Variants in TJP1 observed in about 807,000 individuals in gnomAD.
The protein encoded by TJP1 is tight junction protein 1, also known as tight junction protein ZO-1.
In TJP1, 43 loss-of-function variants were observed where a neutral mutation model predicts 194.2. That is an observed-to-expected ratio of 0.22 (90% CI 0.17 to 0.29). TJP1 has a LOEUF of 0.29. Ranked by LOEUF, TJP1 falls within the 10% of genes least tolerant of loss-of-function variation. The pLI is 1.00. For synonymous variants in TJP1, 801 were observed against 779.0 expected (o/e 1.03, Z -0.47); for missense variants, 1,971 against 2,185.7 (o/e 0.90, Z 1.96).
At chr15:29,762,025 C>T (rs914829387) in intron 6 of TJP1, among the ~76,000 whole-genome samples, 1 of 152,122 alleles carries the variant, frequency 6.6e-6, no homozygotes, top group Non-Finnish European at 1.5e-5. Flanking sequence ...TACTTATAAA[C>T]AAACGAATAA....
At chr15:29,812,190 A>G (rs914445942) in intron 1 of TJP1, among the ~76,000 whole-genome samples, 7 of 152,200 alleles carry the variant, frequency 4.6e-5, no homozygotes, top group Admixed American at 2.0e-4. Context: ...GCTCGGTGAT[A>G]ATCTTTTCAG....
At position 29,741,392 on chromosome 15, in the gene TJP1, A is replaced by T. The variant is rs779962144; in HGVS notation, c.1195T>A (p.Leu399Ile). The T allele has an allele frequency of 6.2e-7, 1 of 1,603,924 alleles. No homozygotes were observed. The highest frequency in any genetic ancestry group is 2.2e-5 in the East Asian group (1 of 44,532). ...ACACCATCAGATGGACTGACAGGTAAATCCACATCTGGTTGCCCAACTTGG... is the reference window on the plus strand; with the variant it reads ...ACACCATCAGATGGACTGACAGGTATATCCACATCTGGTTGCCCAACTTGG... ...YAQVGQPDVD[L>I]PVSPSDGVLP... The change falls in exon 10 of 28, where the codon TTA becomes ATA. Residue 399 changes from leucine (L) to isoleucine (I), a missense_variant. Physicochemically the swap from Leu to Ile is conservative, Grantham distance 5. Around this residue, in one of 5 missense-constraint regions of TJP1, gnomAD observed 192 missense variants for 182.3 expected, o/e 1.05. Coordinates refer to ENST00000614355, the MANE Select transcript of TJP1 (RefSeq NM_001330239.4).
At chr15:29,768,358 A>C (rs895083282) in intron 4 of TJP1, among the ~76,000 whole-genome samples, 1 of 152,314 alleles carries the variant, frequency 6.6e-6, no homozygotes, top group Admixed American at 6.5e-5. Context: ...AGCATTCCTA[A>C]TGCTAGCTGC....
At chr15:29,884,273 T>C (rs2053038343) in intron 2 of TJP1, among the ~76,000 whole-genome samples, 1 of 152,220 alleles carries the variant, frequency 6.6e-6, no homozygotes, top group South Asian at 2.1e-4. Flanking sequence ...TCAACGGTTC[T>C]CAACAGATGC....
At chr15:29,953,442 A>C (rs1257747541) in intron 2 of TJP1, among the ~76,000 whole-genome samples, 1 of 152,134 alleles carries the variant, frequency 6.6e-6, no homozygotes, top group African/African-American at 2.4e-5. Context: ...ATGCCTGGCC[A>C]AAAAGACAGA....
At chr15:29,782,696 G>C (rs751491843) in intron 2 of TJP1, among the ~76,000 whole-genome samples, 1 of 152,024 alleles carries the variant, frequency 6.6e-6, no homozygotes, top group Non-Finnish European at 1.5e-5. Flanking sequence ...TTGACAAATG[G>C]AATCTAATTA....
chr15:29,798,545 G>C (rs2048567495), intron 2 of TJP1, among the ~76,000 whole-genome samples: 1 of 152,130 alleles, frequency 6.6e-6, no homozygotes, highest in Admixed American at 6.6e-5. Flanking sequence ...ATCAAGTGCT[G>C]ATGAGGATAC....
At chr15:29,819,116 T>C (rs1033598543) in intron 1 of TJP1, among the ~76,000 whole-genome samples, 1 of 152,232 alleles carries the variant, frequency 6.6e-6, no homozygotes, top group Non-Finnish European at 1.5e-5. Flanking sequence ...TCAATCTAGG[T>C]ACATACATAT....
At position 29,704,217 on chromosome 15, in the gene TJP1, C is replaced by G. The variant is rs781101609; in HGVS notation, c.5157G>C (p.Ala1719=). Residue 1719 remains alanine (A), a synonymous_variant, in exon 27 of 28, where the codon GCG becomes GCC. Transcript: ENST00000614355. The part of the protein sequence containing the change: ...KPVELRLPHC[A]SMTPDGWSFA... ...AAGACCAACCGTCAGGAGTCATGGA[C>G]GCACAGTGTGGTAAGCGCAGCTCCA... The G allele has an allele frequency of 5.0e-6, 8 of 1,589,074 alleles. No individual in the cohort carries two copies. Among genetic ancestry groups the G allele is most frequent in the African/African-American group, 1.3e-5 (1 of 74,712 alleles).
At chr15:29,949,496 TCCACAA>T (rs200355930) in intron 2 of TJP1, among the ~76,000 whole-genome samples, 4 of 37,504 alleles carry the variant, frequency 1.1e-4, no homozygotes, top group Middle Eastern at 0.018. Context: ...CACCTCCACC[TCCACAA>T]CCACCACCTC....
rs373967459 is a variant in TJP1 at position 29,708,592 on chromosome 15, T to C, written c.4817A>G (p.Asn1606Ser). Residue 1606 changes from asparagine (N) to serine (S), a missense_variant, in exon 25 of 28, where the codon AAT becomes AGT. By Grantham distance (46) the Asn-to-Ser change is conservative. This residue lies in a region of TJP1 where 1,108 missense variants were observed against 1,128.5 expected (regional missense o/e 0.98). Coordinates refer to ENST00000614355, the MANE Select transcript of TJP1 (RefSeq NM_001330239.4). ...AATAGCTTTAGGCACTGTGCTGATA[T>C]TATTTATTTGATATTTAGGCTTCTC... ...HAEKPKYQIN[N>S]ISTVPKAIPV... 25 of 1,613,466 alleles carry C rather than the reference T, an allele frequency of 1.5e-5. No individual in the cohort carries two copies. The highest frequency in any genetic ancestry group is 1.3e-4 in the South Asian group (12 of 91,084).
chr15:29,795,996 G>A (rs915074580), intron 2 of TJP1, among the ~76,000 whole-genome samples: 4 of 151,914 alleles, frequency 2.6e-5, no homozygotes, highest in African/African-American at 9.7e-5. Context: ...TAAGATAAAA[G>A]GGAACTTCCT....
intron 24 of TJP1, 21 bp downstream of exon 24, chr15:29,710,810 G>A: frequency 2.5e-6 from 4 of 1,613,546 alleles, no homozygotes; most frequent in South Asian, 2.2e-5. Context: ...GTGTTAAAAT[G>A]TCTACTTCCG....
At position 29,704,294 on chromosome 15, in the gene TJP1, G is replaced by A; in HGVS notation, c.5080C>T (p.Leu1694=). 6.3e-7 allele frequency: 1 copy of A among 1,595,206 alleles called. No homozygotes were observed. The highest frequency in any genetic ancestry group is 8.5e-7 in the Non-Finnish European group (1 of 1,170,858). Residue 1694 remains leucine, a synonymous_variant, in exon 27 of 28, where the codon CTG becomes TTG. Transcript: ENST00000614355. ...PLDKEKGETL[L]SPLVMCGPHG... The stretch of plus-strand genomic sequence containing the variant: ...GGACCACACATCACCAAAGGACTCA[G>A]CAGTGTTTCACCTGGAGTTGGAAAA...
At chr15:29,824,260 A>G (rs1196162405), upstream of TJP1, among the ~76,000 whole-genome samples, 2 of 151,902 alleles carry the variant, frequency 1.3e-5, no homozygotes, top group Non-Finnish European at 2.9e-5. Context: ...CCTGGCCGAC[A>G]TGGTGAAACC....
In TJP1 at chr15:29,822,008, G is replaced by A. The variant is rs1484632622; in HGVS notation, c.21C>T (p.Ala7=). 1.5e-6 allele frequency: 2 copies of A among 1,346,232 alleles called. No homozygotes were observed. The highest frequency in any genetic ancestry group is 2.0e-5 in the South Asian group (1 of 48,858). The allele number at this position is 1,346,232 out of a possible 1,614,324, so 83.4% of individuals were successfully genotyped here. A position where few individuals can be genotyped will look rare whatever the true frequency, so the allele number is the denominator to read the frequency against. Residue 7 remains alanine (A), a synonymous_variant, in exon 1 of 28, where the codon GCC becomes GCT. Transcript: ENST00000614355. MSARAA[A]AKSTAMEETA... ...CGGCCGCGGAGGCGCTCACCTTGGCGGCCGCAGCTCTGGCGGACATCTTGT... is the reference window on the plus strand; with the variant it reads ...CGGCCGCGGAGGCGCTCACCTTGGCAGCCGCAGCTCTGGCGGACATCTTGT...
chr15:29,948,897 C>T (rs1186676196), intron 2 of TJP1, among the ~76,000 whole-genome samples: 1 of 151,942 alleles, frequency 6.6e-6, no homozygotes, highest in African/African-American at 2.4e-5. Context: ...TCTCTACCTC[C>T]ACATCTACTA....
chr15:29,822,157 C>G lies in TJP1; in HGVS notation c.-129G>C. The G allele has an allele frequency of 5.9e-6, 7 of 1,178,160 alleles. No individual in the cohort carries two copies. The South Asian group carries it at 3.0e-4, about 51-fold the overall frequency. The allele number at this position is 1,178,160 out of a possible 1,614,324, so 73.0% of individuals were successfully genotyped here. A position where few individuals can be genotyped will look rare whatever the true frequency, so the allele number is the denominator to read the frequency against. ...CGAGCGGGGCACGGGCGGGGGCGGC[C>G]GGAAGGGCCCGGCCCAGGGGGAGGG... On this transcript the variant is annotated 5_prime_UTR_variant, in exon 1 of 28. Transcript: ENST00000614355.
intron 1 of TJP1, among the ~76,000 whole-genome samples, chr15:29,814,461 A>G (rs1206598835): frequency 2.0e-5 from 3 of 152,206 alleles, no homozygotes; most frequent in African/African-American, 7.2e-5. Context: ...CTGAATTTTA[A>G]AATTACATAC....
Sources: gnomAD v4.1 joint callset for allele counts (sites outside exome capture counted in the v4.1 genomes callset) on GRCh38, gnomAD v4.1.1 for gene constraint, gnomAD v4.1.1 regional missense constraint, MANE v1.5 for transcripts, NCBI Gene and HGNC (gene_info 2026-07-23, HGNC 2026-07-21) for gene names.